SPAM1: variants seen among roughly 807,000 people sequenced by gnomAD.
The protein encoded by SPAM1 is sperm adhesion molecule 1, also known as hyaluronidase PH-20.
In SPAM1, 22 loss-of-function variants were observed where a neutral mutation model predicts 29.6. The ratio of observed to expected loss-of-function variants is 0.74; its 90% CI spans 0.53 to 1.06. The LOEUF (loss-of-function observed/expected upper bound fraction) is 1.06, where lower values mean the gene tolerates loss of function less well. Ranked by LOEUF, SPAM1 falls within the 50% of genes least tolerant of loss-of-function variation. The probability of loss-of-function intolerance (pLI) is 0.00; values close to 1 mark genes in which losing one functional copy is unlikely to be tolerated. For synonymous variants in SPAM1, 194 were observed against 204.6 expected, an observed-to-expected ratio of 0.95 and a Z score of 0.44; for missense variants, 534 against 604.0, an observed-to-expected ratio of 0.88 and a Z score of 1.21.
At chr7:123,970,316 G>A in intron 6 of SPAM1, 1 of 1,512,610 alleles carries the variant, frequency 6.6e-7, no homozygotes, top group East Asian at 2.5e-5. Context: ...TTCTCCTTGT[G>A]TCTTCCATAT....
exon 7 of SPAM1, chr7:123,971,110 C>T (rs1792493396): frequency 6.6e-6 from 1 of 152,070 alleles, no homozygotes; most frequent in Non-Finnish European, 1.5e-5. Context: ...GATAGACCTT[C>T]CCTCAAGATA....
In SPAM1 at chr7:123,959,464, G is replaced by A; in HGVS notation, c.1045-20G>A. On this transcript the variant is annotated intron_variant, in intron 4 of 4. Transcript: ENST00000682466. ...TAACTTGTCCTTTGATATTCTGACT[G>A]TCTTATAATAATTTTACAGAAATCT... The A allele has an allele frequency of 1.3e-6, 2 of 1,527,496 alleles. No individual in the cohort carries two copies. The highest frequency in any genetic ancestry group is 1.2e-5 in the South Asian group (1 of 81,834). 94.6% of individuals were successfully genotyped at this position (1,527,496 alleles called of 1,614,324 possible).
intron 1 of SPAM1, among the ~76,000 whole-genome samples, chr7:123,940,247 C>T (rs1808389659): frequency 6.6e-6 from 1 of 151,960 alleles, no homozygotes; most frequent in Non-Finnish European, 1.5e-5. Flanking sequence ...CTAATTAACT[C>T]ACTTAGCATG....
At chr7:123,929,567 A>G (rs1010291340) in intron 1 of SPAM1, among the ~76,000 whole-genome samples, 1 of 152,068 alleles carries the variant, frequency 6.6e-6, no homozygotes, top group Non-Finnish European at 1.5e-5. Context: ...GGGGTGTAAA[A>G]GGGCTTTTTT....
Position 123,954,152 on chromosome 7 carries a change from G to C in SPAM1, c.582G>C (p.Lys194Asn). The C allele has an allele frequency of 6.2e-7, 1 of 1,612,828 alleles. No homozygotes were observed. Among genetic ancestry groups the C allele is most frequent in the Non-Finnish European group, 8.5e-7 (1 of 1,179,540 alleles). The change falls in exon 3 of 5, where the codon AAG becomes AAC. Residue 194 changes from lysine to asparagine, a missense_variant. Physicochemically the swap from Lys to Asn is moderately conservative, Grantham distance 94. Coordinates refer to ENST00000682466, the MANE Select transcript of SPAM1 (RefSeq NM_153189.3). Reference protein sequence around the residue: ...ATEKAKQEFEKAGKDFLVETI... With the variant: ...ATEKAKQEFENAGKDFLVETI... The stretch of plus-strand genomic sequence containing the variant: ...AGAAAGCAAAACAAGAATTTGAAAA[G>C]GCAGGGAAGGATTTCCTGGTAGAGA...
chr7:123,956,588 G>T (rs1290409235), intron 4 of SPAM1, among the ~76,000 whole-genome samples: 1 of 151,860 alleles, frequency 6.6e-6, no homozygotes, highest in East Asian at 1.9e-4. Flanking sequence ...CAGGGATTTT[G>T]TGAACCAGTT....
At chr7:123,943,332 T>C (rs1415549260) in intron 1 of SPAM1, among the ~76,000 whole-genome samples, 2 of 152,262 alleles carry the variant, frequency 1.3e-5, no homozygotes, top group East Asian at 3.9e-4. Context: ...CTGGTTATAA[T>C]GCCACCTTTT....
intron 1 of SPAM1, among the ~76,000 whole-genome samples, chr7:123,942,122 A>G (rs1808448330): frequency 6.6e-6 from 1 of 152,212 alleles, no homozygotes; most frequent in Admixed American, 6.5e-5. Context: ...TAAGTTGTCT[A>G]GCTTCAGTTT....
At chr7:123,970,186 GT>G (rs1472081005) in intron 5 of SPAM1, 2 of 1,548,184 alleles carry the variant, frequency 1.3e-6, no homozygotes, top group South Asian at 2.4e-5. Context: ...TTTTCTTATG[GT>G]TTTCTTACAG....
chr7:123,944,477 AT>A lies in SPAM1; in HGVS notation c.-318-5394del, dbSNP rs1289942388. 3.9e-5 allele frequency among the ~76,000 whole-genome samples: 6 copies of A among 152,298 alleles called. No individual in the cohort carries two copies. In the East Asian group the frequency reaches 1.2e-3, roughly 29 times the overall value. ...ATGACACAGAAATTATTTTGATAAA[AT>A]GTAAAATCTGTTTGTTAGGCCCAGT... is the stretch of plus-strand genomic sequence containing the variant. On this transcript the variant is annotated intron_variant, in intron 1 of 4. Coordinates refer to ENST00000682466, the MANE Select transcript of SPAM1 (RefSeq NM_153189.3).
downstream of SPAM1, among the ~76,000 whole-genome samples, chr7:123,962,355 T>TTAGGTTGTTTTTTGCTGTTGA (rs1792370365): frequency 6.6e-6 from 1 of 151,904 alleles, no homozygotes; most frequent in African/African-American, 2.4e-5. Context: ...AATTTTTTGA[T>TTAGGTTGTTTTTTGCTGTTGA]TAGGTTGTTT....
chr7:123,954,109 G>A lies in SPAM1; in HGVS notation c.539G>A (p.Ser180Asn). Residue 180 changes from serine to asparagine, a missense_variant, in exon 3 of 5, where the codon AGT becomes AAT. Coordinates refer to ENST00000682466, the MANE Select transcript of SPAM1 (RefSeq NM_153189.3). Reference sequence around the variant, plus strand: ...GTTCAGCAACAAAATGTACAACTTAGTCTCACAGAGGCCACTGAGAAAGCA... The same window carrying A: ...GTTCAGCAACAAAATGTACAACTTAATCTCACAGAGGCCACTGAGAAAGCA... ...ELVQQQNVQL[S>N]LTEATEKAKQ... 2 of 1,613,046 alleles carry A rather than the reference G, an allele frequency of 1.2e-6. No homozygotes were observed. Among genetic ancestry groups the A allele is most frequent in the Non-Finnish European group, 1.7e-6 (2 of 1,179,590 alleles).
downstream of SPAM1, among the ~76,000 whole-genome samples, chr7:123,964,199 CT>C (rs1296133931): frequency 6.6e-6 from 1 of 151,700 alleles, no homozygotes; most frequent in African/African-American, 2.4e-5. Flanking sequence ...CCATGAAGGT[CT>C]TTATATTATC....
intron 1 of SPAM1, among the ~76,000 whole-genome samples, chr7:123,937,461 C>T (rs1808286652): frequency 6.6e-6 from 1 of 151,862 alleles, no homozygotes; most frequent in South Asian, 2.1e-4. Context: ...ATTAGCCGGG[C>T]ATGGTGGCGG....
At chr7:123,935,578 TCAGA>T in intron 1 of SPAM1, among the ~76,000 whole-genome samples, 1 of 152,296 alleles carries the variant, frequency 6.6e-6, no homozygotes, top group South Asian at 2.1e-4. Flanking sequence ...TAAGGAATTC[TCAGA>T]CAGATAAGAA....
intron 1 of SPAM1, among the ~76,000 whole-genome samples, chr7:123,927,268 A>G (rs532182270): frequency 8.5e-5 from 13 of 152,152 alleles, no homozygotes; most frequent in Non-Finnish European, 1.5e-4. Flanking sequence ...ACCCAAAACA[A>G]TCCTATTCTT....
intron 1 of SPAM1, chr7:123,925,858 G>A (rs1256759002): frequency 2.0e-5 from 3 of 152,316 alleles, no homozygotes; most frequent in Non-Finnish European, 4.4e-5. Context: ...ACACAGAATG[G>A]GAGAATGGGG....
intron 1 of SPAM1, among the ~76,000 whole-genome samples, chr7:123,940,322 A>G (rs1186097949): frequency 6.6e-6 from 1 of 152,168 alleles, no homozygotes; most frequent in Non-Finnish European, 1.5e-5. Context: ...CCTAAAATTA[A>G]AGGTGTATTA....
At chr7:123,936,132 A>G (rs1808238972) in intron 1 of SPAM1, among the ~76,000 whole-genome samples, 1 of 152,250 alleles carries the variant, frequency 6.6e-6, no homozygotes, top group South Asian at 2.1e-4. Context: ...TAACAAGTTC[A>G]TATGCCTGCT....
Sources: gnomAD v4.1 joint callset for allele counts (sites outside exome capture counted in the v4.1 genomes callset) on GRCh38, gnomAD v4.1.1 for gene constraint, MANE v1.5 for transcripts, NCBI Gene and HGNC (gene_info 2026-07-23, HGNC 2026-07-21) for gene names.